The following DLGAP1 variants were observed in gnomAD, a reference collection of about 807,000 sequenced individuals.
The protein encoded by DLGAP1 is DLG associated protein 1, also known as disks large-associated protein 1.
Under a neutral mutation model 90.8 loss-of-function variants are expected in DLGAP1, and 11 were observed. The ratio of observed to expected loss-of-function variants is 0.12; its 90% CI spans 0.08 to 0.20. DLGAP1 has a LOEUF of 0.20. Among genes scored for constraint, DLGAP1 ranks in the 10% least tolerant of loss-of-function variants. The pLI, the probability that DLGAP1 is intolerant of heterozygous loss-of-function variation, is 1.00. For missense variants in DLGAP1, 1,050 were observed against 1,333.8 expected (o/e 0.79, Z 3.31); for synonymous variants, 558 against 540.7 (o/e 1.03, Z -0.44).
rs375313166 is a variant in DLGAP1, at chr18:3,814,081, G to C, written c.1150C>G (p.Leu384Val). 5.0e-6 allele frequency: 8 copies of C among 1,613,944 alleles called. No individual in the cohort carries two copies. The African/African-American group carries it at 9.3e-5, about 19-fold the overall frequency. Residue 384 changes from leucine (L) to valine (V), a missense_variant, in exon 5 of 13, where the codon CTT (leucine) becomes GTT (valine). Around this residue, in one of 2 missense-constraint regions of DLGAP1, gnomAD observed 565 missense variants for 879.7 expected, o/e 0.64. Coordinates refer to ENST00000315677, the MANE Select transcript of DLGAP1 (RefSeq NM_004746.4). ...CACTTGAGTGTGGTGAGTTCTGTAA[G>C]GGATGGCTGAGTAGCCTTGAGATAG... The part of the protein sequence containing the change: ...ESYLKATQPS[L>V]TELTTLKISN...
intron 4 of DLGAP1, among the ~76,000 whole-genome samples, chr18:3,858,504 A>ATATATACG (rs2069807292): frequency 1.3e-5 from 2 of 149,246 alleles, no homozygotes; most frequent in African/African-American, 4.9e-5. Context: ...GTATATATAC[A>ATATATACG]TATATATACA....
chr18:4,431,875 G>A (rs1363347721), intron 1 of DLGAP1, among the ~76,000 whole-genome samples: 1 of 152,114 alleles, frequency 6.6e-6, no homozygotes, highest in South Asian at 2.1e-4. Context: ...CATTTTCTTC[G>A]AGATAACTTG....
chr18:3,506,546 C>G (rs1405027700), intron 11 of DLGAP1, among the ~76,000 whole-genome samples: 1 of 148,454 alleles, frequency 6.7e-6, no homozygotes, highest in Admixed American at 6.7e-5. Context: ...AAGTGGAACT[C>G]CATGTCAAAA....
intron 7 of DLGAP1, among the ~76,000 whole-genome samples, chr18:3,725,280 G>A (rs962546579): frequency 2.6e-5 from 4 of 152,210 alleles, no homozygotes; most frequent in Non-Finnish European, 1.5e-5. Flanking sequence ...ATACAAGTCT[G>A]CCTAGCTACA....
intron 5 of DLGAP1, among the ~76,000 whole-genome samples, chr18:3,779,621 C>A (rs986071547): frequency 6.6e-6 from 1 of 152,126 alleles, no homozygotes; most frequent in African/African-American, 2.4e-5. Flanking sequence ...CTCTGCATGG[C>A]AATATTCTAT....
intron 3 of DLGAP1, among the ~76,000 whole-genome samples, chr18:3,985,209 C>T (rs2073817867): frequency 6.6e-6 from 1 of 152,174 alleles, no homozygotes; most frequent in Admixed American, 6.5e-5. Context: ...ATGTGATCCC[C>T]AGTGTCATAC....
At position 3,729,012 on chromosome 18, in the gene DLGAP1, T is replaced by A; in HGVS notation, c.1591+123A>T. The A allele has an allele frequency of 2.1e-6, 3 of 1,407,048 alleles. No homozygotes were observed. Among genetic ancestry groups the A allele is most frequent in the Non-Finnish European group, 2.8e-6 (3 of 1,063,152 alleles). The allele number at this position is 1,407,048 out of a possible 1,614,324, so 87.2% of individuals were successfully genotyped here. Reference sequence around the variant, plus strand: ...ATAGGGAAGGAAAACCTTTGGTTTGTAGGACATGGGTGGTATCTTGTTCCT... The same window carrying A: ...ATAGGGAAGGAAAACCTTTGGTTTGAAGGACATGGGTGGTATCTTGTTCCT... On this transcript the variant is annotated intron_variant, in intron 7 of 12. Transcript: ENST00000315677. This position sits in a 1 kb window ranked among gnomAD's most constrained non-coding sequence, Gnocchi z 6.2.
At chr18:3,986,221 T>A (rs2073840176) in intron 3 of DLGAP1, 1 of 152,176 alleles carries the variant, frequency 6.6e-6, no homozygotes, top group African/African-American at 2.4e-5. Flanking sequence ...TCAAGACTGC[T>A]GGTAGAAGCC....
chr18:4,429,898 GT>G (rs1475539529), intron 1 of DLGAP1, among the ~76,000 whole-genome samples: 2 of 152,016 alleles, frequency 1.3e-5, no homozygotes, highest in Admixed American at 6.6e-5. Flanking sequence ...GTGTGCATCA[GT>G]ATGCATAGAT....
chr18:3,740,964 ACCACCATCAC>A, intron 6 of DLGAP1, among the ~76,000 whole-genome samples: 1 of 122,276 alleles, frequency 8.2e-6, no homozygotes, highest in Admixed American at 8.4e-5. Flanking sequence ...CACCACCACC[ACCACCATCAC>A]ATCACCACCA....
intron 1 of DLGAP1, among the ~76,000 whole-genome samples, chr18:4,347,994 G>A (rs2081330821): frequency 6.6e-6 from 1 of 152,038 alleles, no homozygotes; most frequent in Non-Finnish European, 1.5e-5. Flanking sequence ...CATAAATTAA[G>A]ATATTAATCC....
intron 3 of DLGAP1, among the ~76,000 whole-genome samples, chr18:3,918,480 C>A (rs1176414137): frequency 6.6e-6 from 1 of 151,992 alleles, no homozygotes; most frequent in Non-Finnish European, 1.5e-5. Context: ...AGATAGAAAC[C>A]AACAAACAAT....
Position 4,298,106 on chromosome 18 carries a change from G to A in DLGAP1, c.-266-146819C>T, listed in dbSNP as rs141790814. On this transcript the variant is annotated intron_variant, in intron 1 of 12. Coordinates refer to ENST00000315677, the MANE Select transcript of DLGAP1 (RefSeq NM_004746.4). ...TTGCAAGTAGAGTTCAGTTATATGC[G>A]GGCGATTGGCTCCATGACCCTCACC... Among the ~76,000 whole-genome samples, 84 of 152,124 alleles carry A rather than the reference G, an allele frequency of 5.5e-4. No individual in the cohort carries two copies. The East Asian group carries it at 0.012, about 22-fold the overall frequency.
At chr18:3,927,378 T>G (rs2072415745) in intron 3 of DLGAP1, among the ~76,000 whole-genome samples, 1 of 152,258 alleles carries the variant, frequency 6.6e-6, no homozygotes. Context: ...CAGAGTCAAA[T>G]GAGCAAGTAT....
rs552611346 is a variant in DLGAP1 at position 3,726,836 on chromosome 18, A to G, written c.1591+2299T>C. 4.8e-4 allele frequency among the ~76,000 whole-genome samples: 73 copies of G among 152,256 alleles called. 1 individual carries two copies. The South Asian group carries it at 0.011, about 23-fold the overall frequency. The stretch of plus-strand genomic sequence containing the variant: ...AGCCAAGCCTGGAGCCTTCCCCAAG[A>G]GAGTTGAAGGTGGAGGTGGCTCGTA... On this transcript the variant is annotated intron_variant, in intron 7 of 12. Coordinates refer to ENST00000315677, the MANE Select transcript of DLGAP1 (RefSeq NM_004746.4).
chr18:4,109,172 G>T (rs551234909), intron 2 of DLGAP1, among the ~76,000 whole-genome samples: 1 of 152,100 alleles, frequency 6.6e-6, no homozygotes, highest in Admixed American at 6.5e-5. Context: ...ACTGGCACTC[G>T]GGGTGTCCTT....
At chr18:3,978,407 T>C (rs533434226) in intron 3 of DLGAP1, 35 of 315,262 alleles carry the variant, frequency 1.1e-4, no homozygotes, top group African/African-American at 7.5e-4. Context: ...GCAGTTTCCA[T>C]TGATGACAAG....
chr18:4,139,227 G>GT (rs1463797745), intron 2 of DLGAP1, among the ~76,000 whole-genome samples: 3 of 151,714 alleles, frequency 2.0e-5, no homozygotes, highest in East Asian at 1.9e-4. Context: ...GTTATTTGTA[G>GT]TTTTTTCTAC....
intron 2 of DLGAP1, among the ~76,000 whole-genome samples, chr18:4,100,207 T>C (rs914168994): frequency 1.3e-5 from 2 of 152,186 alleles, no homozygotes; most frequent in African/African-American, 2.4e-5. Flanking sequence ...TAATAAGACT[T>C]GGAAGTCAAA....
Sources: allele counts gnomAD v4.1 joint callset (sites outside exome capture counted in the v4.1 genomes callset), GRCh38; gene constraint gnomAD v4.1.1; regional missense constraint gnomAD v4.1.1; non-coding constraint Gnocchi (gnomAD v3.1); transcripts MANE v1.5; gene names NCBI Gene and HGNC (gene_info 2026-07-23, HGNC 2026-07-21).